The following USP25 variants were observed in gnomAD, a reference collection of about 807,000 sequenced individuals.
The protein encoded by USP25 is ubiquitin specific peptidase 25.
USP25 carries 85 observed loss-of-function variants against 158.5 expected under a neutral mutation model. The observed-to-expected ratio is 0.54, with a 90% CI of 0.45 to 0.64. The LOEUF (loss-of-function observed/expected upper bound fraction) is 0.64. USP25 is among the 30% of genes least tolerant of loss of function. USP25 has a pLI of 0.00. For synonymous variants in USP25, 464 were observed against 460.4 expected, an observed-to-expected ratio of 1.01 and a Z score of -0.10; for missense variants, 1,242 against 1,327.3, an observed-to-expected ratio of 0.94 and a Z score of 1.00.
At chr21:15,791,449 C>T in intron 4 of USP25, 53 bp from the exon 5 acceptor site, 4 of 1,484,018 alleles carry the variant, frequency 2.7e-6, no homozygotes, top group Middle Eastern at 3.6e-4. Flanking sequence ...GTGTGATATG[C>T]CTGGGATATA....
chr21:15,769,386 A>T (rs548590810), intron 3 of USP25, among the ~76,000 whole-genome samples: 1 of 152,204 alleles, frequency 6.6e-6, no homozygotes, highest in East Asian at 1.9e-4. Flanking sequence ...CCATACTGTA[A>T]TTCTGTTGAA....
At chr21:15,771,042 A>T (rs183606909) in intron 3 of USP25, among the ~76,000 whole-genome samples, 14 of 152,342 alleles carry the variant, frequency 9.2e-5, no homozygotes, top group Admixed American at 9.2e-4. Context: ...CATTATGAAG[A>T]TGACTCACCA....
chr21:15,731,671 T>A (rs997769326), intron 1 of USP25, among the ~76,000 whole-genome samples: 2 of 152,226 alleles, frequency 1.3e-5, no homozygotes, highest in African/African-American at 4.8e-5. Context: ...TTGAGACTTG[T>A]ATGTTAGTTG....
chr21:15,784,993 G>C (rs1020756042), intron 4 of USP25, among the ~76,000 whole-genome samples: 1 of 149,712 alleles, frequency 6.7e-6, no homozygotes, highest in African/African-American at 2.4e-5. Context: ...AGACCCAACT[G>C]TATGTTGCCT....
chr21:15,806,622 C>T (rs2036406463), intron 7 of USP25, among the ~76,000 whole-genome samples: 1 of 152,108 alleles, frequency 6.6e-6, no homozygotes, highest in Non-Finnish European at 1.5e-5. Flanking sequence ...TTCAGATTAG[C>T]AGTGTAGACT....
At chr21:15,874,991 C>T (rs1327066283) in intron 24 of USP25, among the ~76,000 whole-genome samples, 1 of 151,992 alleles carries the variant, frequency 6.6e-6, no homozygotes, top group Non-Finnish European at 1.5e-5. Flanking sequence ...GTGGTGAAAC[C>T]CCATCTCGAC....
At chr21:15,793,689 G>A (rs1399787427) in intron 5 of USP25, among the ~76,000 whole-genome samples, 1 of 151,342 alleles carries the variant, frequency 6.6e-6, no homozygotes, top group African/African-American at 2.4e-5. Flanking sequence ...GGTTATAATG[G>A]CCTAATAAGA....
chr21:15,803,704 A>T (rs1043459520), intron 6 of USP25, among the ~76,000 whole-genome samples: 1 of 151,906 alleles, frequency 6.6e-6, no homozygotes, highest in African/African-American at 2.4e-5. Context: ...AGGTGCGGTG[A>T]TAAAGAAACT....
chr21:15,791,493 T>A lies in USP25; in HGVS notation c.393-9T>A, dbSNP rs2035589293. On this transcript the variant is annotated splice_polypyrimidine_tract_variant and intron_variant, in intron 4 of 25. Transcript: ENST00000400183. ...TATAATGCTGCATTTTTTTCCACCATTGATTAAGAGTTCTTGAAGCCAGCA... is the reference window on the plus strand; with the variant it reads ...TATAATGCTGCATTTTTTTCCACCAATGATTAAGAGTTCTTGAAGCCAGCA... The A allele has an allele frequency of 6.3e-7, 1 of 1,591,710 alleles. No homozygotes were observed. Among genetic ancestry groups the A allele is most frequent in the Non-Finnish European group, 8.5e-7 (1 of 1,169,916 alleles).
In USP25 at chr21:15,816,121, A is replaced by G. The variant is rs192564506; in HGVS notation, c.932-2577A>G. 1.6e-3 allele frequency among the ~76,000 whole-genome samples: 243 copies of G among 152,298 alleles called. No individual in the cohort carries two copies. Among genetic ancestry groups the G allele is most frequent in the Non-Finnish European group, 3.0e-3 (203 of 68,024 alleles). On this transcript the variant is annotated intron_variant, in intron 9 of 25. Transcript: ENST00000400183. The surrounding 1 kb of genome is among the most constrained non-coding windows in gnomAD (Gnocchi z 4.0). ...TGTGGGAGGGACCCAGGCGGAGGTA[A>G]CTGAATCATGGTGGGGCAGTCTTTC... is the stretch of plus-strand genomic sequence containing the variant.
intron 16 of USP25, among the ~76,000 whole-genome samples, chr21:15,832,279 T>C (rs2037841217): frequency 6.6e-6 from 1 of 152,224 alleles, no homozygotes. Flanking sequence ...TCTTATCTGC[T>C]CAGAGCCAGA....
intron 17 of USP25, among the ~76,000 whole-genome samples, chr21:15,836,427 T>C (rs1300777074): frequency 3.3e-5 from 5 of 152,238 alleles, no homozygotes; most frequent in African/African-American, 1.2e-4. Context: ...TCATGCTGCT[T>C]CCCTAGATCT....
At chr21:15,796,120 C>T (rs922991758) in intron 5 of USP25, among the ~76,000 whole-genome samples, 2 of 151,556 alleles carry the variant, frequency 1.3e-5, no homozygotes, top group Non-Finnish European at 3.0e-5. Context: ...TGGTTATTTT[C>T]AGGTGCATTA....
chr21:15,761,633 G>A (rs1341359963), intron 1 of USP25, among the ~76,000 whole-genome samples: 1 of 152,194 alleles, frequency 6.6e-6, no homozygotes, highest in Non-Finnish European at 1.5e-5. Context: ...CACTGTGCGT[G>A]CAGCCCCTCC....
intron 20 of USP25, among the ~76,000 whole-genome samples, chr21:15,853,318 T>G (rs1423297664): frequency 6.6e-6 from 1 of 151,872 alleles, no homozygotes; most frequent in African/African-American, 2.4e-5. Flanking sequence ...GGTACACACA[T>G]GTACACGCAC....
chr21:15,747,906 C>T (rs2032691836), intron 1 of USP25, among the ~76,000 whole-genome samples: 1 of 152,192 alleles, frequency 6.6e-6, no homozygotes, highest in South Asian at 2.1e-4. Flanking sequence ...TTTCTGTTTT[C>T]ACGATGTCTT....
chr21:15,755,480 A>C (rs1261749837), intron 1 of USP25, among the ~76,000 whole-genome samples: 1 of 152,152 alleles, frequency 6.6e-6, no homozygotes, highest in East Asian at 1.9e-4. Context: ...TTAATCTCCA[A>C]TGTTAGATAT....
At chr21:15,859,131 T>C (rs141776940) in intron 20 of USP25, among the ~76,000 whole-genome samples, 1,847 of 148,764 alleles carry the variant, frequency 0.012, 34 homozygotes, top group African/African-American at 0.043. Context: ...AAATTATATA[T>C]ATATAATATA....
chr21:15,850,883 A>G (rs1029892433), intron 20 of USP25, among the ~76,000 whole-genome samples: 2 of 152,070 alleles, frequency 1.3e-5, no homozygotes, highest in Non-Finnish European at 2.9e-5. Context: ...ACAGGATTTA[A>G]AGTGCTAAAC....
Sources: gnomAD v4.1 joint callset for allele counts (sites outside exome capture counted in the v4.1 genomes callset) on GRCh38, gnomAD v4.1.1 for gene constraint, Gnocchi (gnomAD v3.1) non-coding constraint, MANE v1.5 for transcripts, NCBI Gene and HGNC (gene_info 2026-07-23, HGNC 2026-07-21) for gene names.